Variants in ADAMTSL1 observed in about 807,000 individuals in gnomAD.
ADAMTSL1 encodes ADAMTS-like protein 1.
Under a neutral mutation model 201.8 loss-of-function variants are expected in ADAMTSL1, and 126 were observed. The observed-to-expected ratio is 0.62, with a 90% CI of 0.54 to 0.72. The LOEUF is 0.72. Among genes scored for constraint, ADAMTSL1 ranks in the 30% least tolerant of loss-of-function variants. The pLI, the probability that ADAMTSL1 is intolerant of heterozygous loss-of-function variation, is 0.00. For missense variants in ADAMTSL1, 2,679 were observed against 2,277.8 expected (o/e 1.18, Z -3.59); for synonymous variants, 1,121 against 903.4 (o/e 1.24, Z -4.32).
At chr9:18,432,711 G>C (rs928029409) in intron 2 of ADAMTSL1, among the ~76,000 whole-genome samples, 13 of 152,110 alleles carry the variant, frequency 8.5e-5, no homozygotes, top group African/African-American at 2.7e-4. Context: ...TTTGAAAAAC[G>C]GGAATCATTA....
chr9:18,650,137 A>C (rs532927114), intron 7 of ADAMTSL1, among the ~76,000 whole-genome samples: 12 of 151,918 alleles, frequency 7.9e-5, no homozygotes, highest in African/African-American at 2.7e-4. Flanking sequence ...TTGCAGTTTG[A>C]TCTCTGACTG....
intron 3 of ADAMTSL1, among the ~76,000 whole-genome samples, chr9:18,538,768 A>T (rs1222205185): frequency 1.3e-5 from 2 of 152,166 alleles, no homozygotes; most frequent in Non-Finnish European, 2.9e-5. Context: ...GTAAATTCCC[A>T]TTTGGTCTAT....
At chr9:18,630,222 C>A (rs1308995182) in intron 5 of ADAMTSL1, among the ~76,000 whole-genome samples, 2 of 152,110 alleles carry the variant, frequency 1.3e-5, no homozygotes, top group East Asian at 3.9e-4. Flanking sequence ...TGAGGCGGGA[C>A]CTTTCTGAGT....
At chr9:18,235,439 T>C (rs1830810524) in intron 2 of ADAMTSL1, among the ~76,000 whole-genome samples, 1 of 152,194 alleles carries the variant, frequency 6.6e-6, no homozygotes, top group Non-Finnish European at 1.5e-5. Flanking sequence ...GCTTCTCCAC[T>C]CTAATGTTAC....
chr9:18,906,801 C>G lies in ADAMTSL1; in HGVS notation c.5071C>G (p.Arg1691Gly). 1 of 1,614,020 alleles carries G rather than the reference C, an allele frequency of 6.2e-7. No individual in the cohort carries two copies. Among genetic ancestry groups the G allele is most frequent in the Middle Eastern group, 1.7e-4 (1 of 6,060 alleles). Residue 1691 changes from arginine to glycine, a missense_variant, in exon 28 of 29, where the codon CGT (arginine) becomes GGT (glycine). Arg to Gly is a moderately radical substitution (Grantham distance 125). Coordinates refer to ENST00000380548, the MANE Select transcript of ADAMTSL1 (RefSeq NM_001040272.6). The stretch of plus-strand genomic sequence containing the variant: ...TGGCAACTACGGCTTCCAGTCCCGG[C>G]GTGTGGAGTGTGTGCATGCCCGCAC... ...TCGNYGFQSRRVECVHARTNK... is the reference protein window; with the variant it reads ...TCGNYGFQSRGVECVHARTNK...
rs145494719 is a variant in ADAMTSL1, at chr9:18,279,249, T to G, written c.207+115268T>G. 1.9e-3 allele frequency among the ~76,000 whole-genome samples: 283 copies of G among 152,186 alleles called. 1 individual carries two copies. The highest frequency in any genetic ancestry group is 6.6e-3 in the African/African-American group (274 of 41,540). ...CCTGCAGAACCTACATGTATAAAAG[T>G]CAGCCCTCTGTATACACAGGTTTCA... On this transcript the variant is annotated intron_variant, in intron 2 of 29. Transcript: ENST00000680146.
intron 18 of ADAMTSL1, 81 bp downstream of exon 18, chr9:18,775,977 A>G: frequency 6.6e-7 from 1 of 1,512,108 alleles, no homozygotes; most frequent in Non-Finnish European, 8.9e-7. Context: ...GGCCTTCCCT[A>G]AACTCAAGAC....
chr9:18,464,975 AT>A (rs1440939037), intron 2 of ADAMTSL1, among the ~76,000 whole-genome samples: 4 of 152,254 alleles, frequency 2.6e-5, no homozygotes, highest in African/African-American at 4.8e-5. Context: ...TATCAAAAAA[AT>A]AAAACATAAT....
intron 2 of ADAMTSL1, among the ~76,000 whole-genome samples, chr9:18,192,809 G>C (rs1829021441): frequency 1.3e-5 from 2 of 152,088 alleles, no homozygotes; most frequent in Non-Finnish European, 2.9e-5. Context: ...GGCCAACTTA[G>C]AGTATTTTCA....
At chr9:18,714,246 A>C (rs1472508865) in intron 14 of ADAMTSL1, among the ~76,000 whole-genome samples, 1 of 150,790 alleles carries the variant, frequency 6.6e-6, no homozygotes, top group Non-Finnish European at 1.5e-5. Context: ...AAATAACTAA[A>C]ATCAGAGCAG....
intron 21 of ADAMTSL1, among the ~76,000 whole-genome samples, chr9:18,819,742 A>G (rs1452741467): frequency 6.6e-6 from 1 of 152,170 alleles, no homozygotes; most frequent in Admixed American, 6.5e-5. Flanking sequence ...CATCTGTATT[A>G]ATGCTGATTA....
intron 2 of ADAMTSL1, among the ~76,000 whole-genome samples, chr9:18,324,975 G>T (rs1006509804): frequency 6.6e-6 from 1 of 152,210 alleles, no homozygotes; most frequent in East Asian, 1.9e-4. Flanking sequence ...TATATGGACA[G>T]CCAATAAATA....
chr9:18,032,436 G>A (rs559500001), intron 1 of ADAMTSL1, among the ~76,000 whole-genome samples: 64 of 152,266 alleles, frequency 4.2e-4, no homozygotes, highest in Admixed American at 1.1e-3. Context: ...CAAAACATCC[G>A]GGTGGGGCAG....
intron 1 of ADAMTSL1, among the ~76,000 whole-genome samples, chr9:17,987,855 G>A (rs1360270380): frequency 6.6e-6 from 1 of 152,032 alleles, no homozygotes; most frequent in African/African-American, 2.4e-5. Context: ...TCTTGAAAGA[G>A]TTTGTATTTA....
intron 21 of ADAMTSL1, among the ~76,000 whole-genome samples, chr9:18,825,098 T>C (rs1191406340): frequency 6.6e-6 from 1 of 151,992 alleles, no homozygotes; most frequent in Non-Finnish European, 1.5e-5. Flanking sequence ...GGAGGGTGCT[T>C]TCTGCTCCCT....
chr9:18,409,020 A>G (rs1157610014), intron 2 of ADAMTSL1, among the ~76,000 whole-genome samples: 1 of 152,142 alleles, frequency 6.6e-6, no homozygotes, highest in East Asian at 1.9e-4. Context: ...ACTTACTAAG[A>G]TCATGGAAAT....
At chr9:18,270,185 C>G (rs1236341286) in intron 2 of ADAMTSL1, among the ~76,000 whole-genome samples, 1 of 151,990 alleles carries the variant, frequency 6.6e-6, no homozygotes, top group Admixed American at 6.6e-5. Flanking sequence ...CACTTCCTGG[C>G]TCATAGATGG....
At chr9:18,653,634 AAACT>A (rs1828436503) in intron 7 of ADAMTSL1, among the ~76,000 whole-genome samples, 2 of 151,410 alleles carry the variant, frequency 1.3e-5, no homozygotes, top group Admixed American at 1.3e-4. Flanking sequence ...AAAAAAAAAA[AAACT>A]CTGAGCTAGG....
At chr9:18,207,614 T>C (rs1241905919) in intron 2 of ADAMTSL1, among the ~76,000 whole-genome samples, 1 of 152,190 alleles carries the variant, frequency 6.6e-6, no homozygotes, top group Non-Finnish European at 1.5e-5. Flanking sequence ...TTAATGCAGA[T>C]GAAAAGGTGA....
Sources: gnomAD v4.1 joint callset for allele counts (sites outside exome capture counted in the v4.1 genomes callset) on GRCh38, gnomAD v4.1.1 for gene constraint, MANE v1.5 for transcripts, NCBI Gene and HGNC (gene_info 2026-07-23, HGNC 2026-07-21) for gene names.